Variants in UBQLN3 observed in about 807,000 individuals in gnomAD.
The protein encoded by UBQLN3 is ubiquilin 3.
A neutral mutation model predicts 2.9 loss-of-function variants in UBQLN3; 1 was observed. The ratio of observed to expected loss-of-function variants is 0.35; its 90% CI spans 0.12 to 1.66. The LOEUF is 1.66. UBQLN3 is among the 40% of genes most tolerant of loss of function. The probability of loss-of-function intolerance (pLI) is 0.35; values close to 1 mark genes in which losing one functional copy is unlikely to be tolerated. For missense variants in UBQLN3, 924 were observed against 816.5 expected (o/e 1.13, Z -1.61); for synonymous variants, 358 against 317.6 (o/e 1.13, Z -1.35).
At position 5,508,658 on chromosome 11, in the gene UBQLN3, G is replaced by T. The variant is rs199563093; in HGVS notation, c.901C>A (p.Pro301Thr). The part of the protein sequence containing the change: ...SQPSRMENCD[P>T]LPNPWTSTHG... Reference sequence around the variant, plus strand: ...GTGGAAGTCCAGGGGTTGGGGAGAGGGTCACAATTCTCCATCCTTGAAGGT... The same window carrying T: ...GTGGAAGTCCAGGGGTTGGGGAGAGTGTCACAATTCTCCATCCTTGAAGGT... The change falls in exon 2 of 2, where the codon CCT becomes ACT. Residue 301 changes from proline (P) to threonine (T), a missense_variant. By Grantham distance (38) the Pro-to-Thr change is conservative (BLOSUM62 -1). Transcript: ENST00000311659. The surrounding 1 kb of genome is among the most constrained non-coding windows in gnomAD (Gnocchi z 4.2). 1 of 1,614,024 alleles carries T rather than the reference G, an allele frequency of 6.2e-7. No homozygotes were observed. Among genetic ancestry groups the T allele is most frequent in the Admixed American group, 1.7e-5 (1 of 60,022 alleles).
rs769873541 is a variant in UBQLN3, at chr11:5,508,271, C to T, written c.1288G>A (p.Ala430Thr). Residue 430 changes from alanine to threonine, a missense_variant, in exon 2 of 2, where the codon GCA becomes ACA. Physicochemically the swap from Ala to Thr is moderately conservative, Grantham distance 58. Transcript: ENST00000311659. This position sits in a 1 kb window ranked among gnomAD's most constrained non-coding sequence, Gnocchi z 4.2. Reference sequence around the variant, plus strand: ...CTATGTCCAGTAGAGCTTTTCCCTGCACCATCTTGGTCTCCACCTTGTCCA... The same window carrying T: ...CTATGTCCAGTAGAGCTTTTCCCTGTACCATCTTGGTCTCCACCTTGTCCA... ...STGQGGDQDGAGKSSTGHSTN... is the reference protein window; with the variant it reads ...STGQGGDQDGTGKSSTGHSTN... The T allele has an allele frequency of 1.2e-6, 2 of 1,614,126 alleles. No homozygotes were observed. The highest frequency in any genetic ancestry group is 2.2e-5 in the East Asian group (1 of 44,868).
In UBQLN3 at chr11:5,508,739, C is replaced by T. The variant is rs371221917; in HGVS notation, c.820G>A (p.Gly274Ser). ...GTGGCAGTGGCAAAGGGATTGCCGC[C>T]AAACTGCTCCTGGACTGCGTTAAGC... The part of the protein sequence containing the change: ...PMLNAVQEQF[G>S]GNPFATATTD... The change falls in exon 2 of 2, where the codon GGC becomes AGC. Residue 274 changes from glycine to serine, a missense_variant. Coordinates refer to ENST00000311659, the MANE Select transcript of UBQLN3 (RefSeq NM_017481.4). The surrounding 1 kb of genome is among the most constrained non-coding windows in gnomAD (Gnocchi z 4.2). 20 of 1,613,812 alleles carry T rather than the reference C, an allele frequency of 1.2e-5. No homozygotes were observed. Among genetic ancestry groups the T allele is most frequent in the Non-Finnish European group, 1.4e-5 (17 of 1,180,008 alleles).
At position 5,508,893 on chromosome 11, in the gene UBQLN3, C is replaced by G; in HGVS notation, c.666G>C (p.Glu222Asp). ...NNPEIMRQTL[E>D]FLRNPAMMQE... ...GCATCATGGCAGGGTTACGTAAAAA[C>G]TCCAGTGTCTGCCGCATAATTTCCG... Residue 222 changes from glutamate (E) to aspartate (D), a missense_variant, in exon 2 of 2, where the codon GAG (glutamate) becomes GAC (aspartate). Coordinates refer to ENST00000311659, the MANE Select transcript of UBQLN3 (RefSeq NM_017481.4). The surrounding 1 kb of genome is among the most constrained non-coding windows in gnomAD (Gnocchi z 4.2). 3 of 1,614,210 alleles carry G rather than the reference C, an allele frequency of 1.9e-6. No homozygotes were observed. The highest frequency in any genetic ancestry group is 1.7e-6 in the Non-Finnish European group (2 of 1,180,036).
rs773124058 is a variant in UBQLN3 at position 5,508,287 on chromosome 11, A to G, written c.1272T>C (p.Gly424=). 3.7e-6 allele frequency: 6 copies of G among 1,613,794 alleles called. No individual in the cohort carries two copies. The highest frequency in any genetic ancestry group is 3.3e-4 in the Middle Eastern group (2 of 6,080). Residue 424 remains glycine (G), a synonymous_variant, in exon 2 of 2, where the codon GGT becomes GGC. Coordinates refer to ENST00000311659, the MANE Select transcript of UBQLN3 (RefSeq NM_017481.4). The surrounding 1 kb of genome is among the most constrained non-coding windows in gnomAD (Gnocchi z 4.2). ...TTTTCCCTGCACCATCTTGGTCTCC[A>G]CCTTGTCCAGTACTGTTCTCTGTGG... is the stretch of plus-strand genomic sequence containing the variant. ...RYPTENSTGQ[G]GDQDGAGKSS... is the part of the protein sequence containing the mutation.
Position 5,507,435 on chromosome 11 carries a change from T to C in UBQLN3, c.*156A>G. ...TCCACTATGTTTTGGCCATTAGTCT[T>C]CCTCGTTGACTCTGGAACAACATTG... On this transcript the variant is annotated 3_prime_UTR_variant, in exon 2 of 2. Coordinates refer to ENST00000311659, the MANE Select transcript of UBQLN3 (RefSeq NM_017481.4). The C allele has an allele frequency of 4.9e-6, 7 of 1,416,602 alleles. No homozygotes were observed. Among genetic ancestry groups the C allele is most frequent in the Non-Finnish European group, 6.5e-6 (7 of 1,078,282 alleles). 87.8% of individuals were successfully genotyped at this position (1,416,602 alleles called of 1,614,324 possible). A position where few individuals can be genotyped will look rare whatever the true frequency, so the allele number is the denominator to read the frequency against.
chr11:5,508,282 T>G lies in UBQLN3; in HGVS notation c.1277A>C (p.Asp426Ala). ...PTENSTGQGG[D>A]QDGAGKSSTG... ...AGAGCTTTTCCCTGCACCATCTTGG[T>G]CTCCACCTTGTCCAGTACTGTTCTC... Residue 426 changes from aspartate to alanine, a missense_variant, in exon 2 of 2, where the codon GAC becomes GCC. By Grantham distance (126) the Asp-to-Ala change is moderately radical. Transcript: ENST00000311659. This position sits in a 1 kb window ranked among gnomAD's most constrained non-coding sequence, Gnocchi z 4.2. 6.2e-7 allele frequency: 1 copy of G among 1,613,946 alleles called. No individual in the cohort carries two copies. Among genetic ancestry groups the G allele is most frequent in the Non-Finnish European group, 8.5e-7 (1 of 1,179,958 alleles).
chr11:5,509,084 G>A lies in UBQLN3; in HGVS notation c.475C>T (p.Arg159Trp), dbSNP rs368243989. The A allele has an allele frequency of 5.3e-5, 85 of 1,614,152 alleles. 1 individual carries two copies. The highest frequency in any genetic ancestry group is 3.1e-4 in the African/African-American group (23 of 75,054). ...AACTCAGGCACAGACACATGCTGCC[G>A]CATCAGGGAGCTTGGCTGGTCAGGG... Reference protein sequence around the residue: ...GFPDQPSSLMRQHVSVPEFVT... With the variant: ...GFPDQPSSLMWQHVSVPEFVT... Residue 159 changes from arginine to tryptophan, a missense_variant, in exon 2 of 2, where the codon CGG (arginine) becomes TGG (tryptophan). Physicochemically the swap from Arg to Trp is moderately radical, Grantham distance 101. Coordinates refer to ENST00000311659, the MANE Select transcript of UBQLN3 (RefSeq NM_017481.4).
In UBQLN3 at chr11:5,509,119, T is replaced by A. The variant is rs202005672; in HGVS notation, c.440A>T (p.Tyr147Phe). Residue 147 changes from tyrosine to phenylalanine, a missense_variant, in exon 2 of 2, where the codon TAT becomes TTT. By Grantham distance (22) the Tyr-to-Phe change is conservative. Transcript: ENST00000311659. ...LTGLSRLGLAYRGFPDQPSSL... is the reference protein window; with the variant it reads ...LTGLSRLGLAFRGFPDQPSSL... ...GCTTGGCTGGTCAGGGAAGCCACGA[T>A]AGGCCAAGCCCAGCCTACTGAGGCC... 54 of 1,614,132 alleles carry A rather than the reference T, an allele frequency of 3.3e-5. 1 individual carries two copies. In the East Asian group the frequency reaches 1.1e-3, roughly 33 times the overall value.
At position 5,508,212 on chromosome 11, in the gene UBQLN3, TC is replaced by T. The variant is rs760819086; in HGVS notation, c.1346del (p.Gly449GlufsTer38). The T allele has an allele frequency of 1.2e-5, 19 of 1,614,136 alleles. No individual in the cohort carries two copies. In the East Asian group the frequency reaches 3.8e-4, roughly 32 times the overall value. On this transcript the variant is annotated frameshift_variant, in exon 2 of 2. Transcript: ENST00000311659. LOFTEE classifies it low-confidence loss of function (END_TRUNC). This position sits in a 1 kb window ranked among gnomAD's most constrained non-coding sequence, Gnocchi z 4.2. Reference sequence around the variant, plus strand: ...CAAATGGAACCCTGTTGGCAGAATCTCCCAGCCCCGAGACAAGATCAGGCAA... The same window carrying T: ...CAAATGGAACCCTGTTGGCAGAATCTCCAGCCCCGAGACAAGATCAGGCAA... ...TNLPDLVSGL[G>X]DSANRVPFAP...
Position 5,508,574 on chromosome 11 carries a change from T to C in UBQLN3, c.985A>G (p.Ile329Val). The change falls in exon 2 of 2, where the codon ATT (isoleucine) becomes GTT (valine). Residue 329 changes from isoleucine to valine, a missense_variant. By Grantham distance (29) the Ile-to-Val change is conservative. Transcript: ENST00000311659. The surrounding 1 kb of genome is among the most constrained non-coding windows in gnomAD (Gnocchi z 4.2). ...AGAAAGTTTGGAAACCTATTTCTAATGTCAGGTGCATCCTGATCCCCATCC... is the reference window on the plus strand; with the variant it reads ...AGAAAGTTTGGAAACCTATTTCTAACGTCAGGTGCATCCTGATCCCCATCC... ...RQDGDQDAPDIRNRFPNFLGI... is the reference protein window; with the variant it reads ...RQDGDQDAPDVRNRFPNFLGI... The C allele has an allele frequency of 2.5e-6, 4 of 1,614,134 alleles. No individual in the cohort carries two copies. The highest frequency in any genetic ancestry group is 2.5e-6 in the Non-Finnish European group (3 of 1,180,030).
Position 5,508,251 on chromosome 11 carries a change from T to G in UBQLN3, c.1308A>C (p.Gly436=). The G allele has an allele frequency of 6.2e-7, 1 of 1,614,142 alleles. No individual in the cohort carries two copies. Among genetic ancestry groups the G allele is most frequent in the South Asian group, 1.1e-5 (1 of 91,066 alleles). The change falls in exon 2 of 2, where the codon GGA becomes GGC. Residue 436 remains glycine (G), a synonymous_variant. Coordinates refer to ENST00000311659, the MANE Select transcript of UBQLN3 (RefSeq NM_017481.4). The surrounding 1 kb of genome is among the most constrained non-coding windows in gnomAD (Gnocchi z 4.2). The stretch of plus-strand genomic sequence containing the variant: ...CAAGATCAGGCAAGTTTGTGCTATG[T>G]CCAGTAGAGCTTTTCCCTGCACCAT... The part of the protein sequence containing the change: ...DQDGAGKSST[G]HSTNLPDLVS...
Position 5,507,995 on chromosome 11 carries a change from GCAGGGCA to G in UBQLN3, c.1557_1563del (p.Ala520LysfsTer13), listed in dbSNP as rs1216745379. On this transcript the variant is annotated frameshift_variant, in exon 2 of 2. Transcript: ENST00000311659. LOFTEE classifies it low-confidence loss of function (END_TRUNC). ...CCCTGCTCAATCTGCCGCAGGGCTT[GCAGGGCA>G]CGGGGGTTTGCCATGGCTGCCTGAA... The G allele has an allele frequency of 1.2e-6, 2 of 1,614,072 alleles. No homozygotes were observed. The highest frequency in any genetic ancestry group is 2.2e-5 in the South Asian group (2 of 91,088).
chr11:5,508,192 G>A lies in UBQLN3; in HGVS notation c.1367C>T (p.Pro456Leu), dbSNP rs768613051. The change falls in exon 2 of 2, where the codon CCA becomes CTA. Residue 456 changes from proline (P) to leucine (L), a missense_variant. Pro to Leu is a moderately conservative substitution (Grantham distance 98, BLOSUM62 -3). Transcript: ENST00000311659. This position sits in a 1 kb window ranked among gnomAD's most constrained non-coding sequence, Gnocchi z 4.2. ...SGLGDSANRV[P>L]FAPLSFSPTA... is the part of the protein sequence containing the mutation. ...GGGGGAAAAAGATAAGGGAGCAAAT[G>A]GAACCCTGTTGGCAGAATCTCCCAG... 5 of 1,614,174 alleles carry A rather than the reference G, an allele frequency of 3.1e-6. No individual in the cohort carries two copies. The South Asian group carries it at 3.3e-5, about 11-fold the overall frequency.
At position 5,508,232 on chromosome 11, in the gene UBQLN3, C is replaced by A. The variant is rs369978259; in HGVS notation, c.1327G>T (p.Asp443Tyr). The A allele has an allele frequency of 1.2e-6, 2 of 1,614,148 alleles. No individual in the cohort carries two copies. The highest frequency in any genetic ancestry group is 1.7e-6 in the Non-Finnish European group (2 of 1,180,024). The change falls in exon 2 of 2, where the codon GAT (aspartate) becomes TAT (tyrosine). Residue 443 changes from aspartate to tyrosine, a missense_variant. Coordinates refer to ENST00000311659, the MANE Select transcript of UBQLN3 (RefSeq NM_017481.4). This position sits in a 1 kb window ranked among gnomAD's most constrained non-coding sequence, Gnocchi z 4.2. ...SSTGHSTNLP[D>Y]LVSGLGDSAN... is the part of the protein sequence containing the mutation. ...GAATCTCCCAGCCCCGAGACAAGAT[C>A]AGGCAAGTTTGTGCTATGTCCAGTA...
Position 5,507,569 on chromosome 11 carries a change from A to G in UBQLN3, c.*22T>C. ...GGGAAAAAGGCACAGAGGAAAACGTATGGTTTGAATGAATAAGGCTCCTAC... is the reference window on the plus strand; with the variant it reads ...GGGAAAAAGGCACAGAGGAAAACGTGTGGTTTGAATGAATAAGGCTCCTAC... On this transcript the variant is annotated 3_prime_UTR_variant, in exon 2 of 2. Transcript: ENST00000311659. The G allele has an allele frequency of 6.4e-7, 1 of 1,562,408 alleles. No individual in the cohort carries two copies. The highest frequency in any genetic ancestry group is 8.7e-7 in the Non-Finnish European group (1 of 1,153,252).
Position 5,508,363 on chromosome 11 carries a change from T to C in UBQLN3, c.1196A>G (p.Glu399Gly), listed in dbSNP as rs1252352506. The C allele has an allele frequency of 6.2e-7, 1 of 1,605,538 alleles. No individual in the cohort carries two copies. The highest frequency in any genetic ancestry group is 8.5e-7 in the Non-Finnish European group (1 of 1,175,244). The change falls in exon 2 of 2, where the codon GAG becomes GGG. Residue 399 changes from glutamate (E) to glycine (G), a missense_variant. Coordinates refer to ENST00000311659, the MANE Select transcript of UBQLN3 (RefSeq NM_017481.4). The surrounding 1 kb of genome is among the most constrained non-coding windows in gnomAD (Gnocchi z 4.2). ...EPGSGQPLPE[E>G]SVAIKGRSSC... ...GGACCTTCCCTTGATTGCTACTGAC[T>C]CCTCGGGGAGAGGCTGGCCTGACCC...
In UBQLN3 at chr11:5,507,880, T is replaced by C. The variant is rs536797424; in HGVS notation, c.1679A>G (p.Glu560Gly). Reference sequence around the variant, plus strand: ...AGACATAAGGGGATCTTCTCTAGACTCTATACCTCCTGCCACACTACCCGT... The same window carrying C: ...AGACATAAGGGGATCTTCTCTAGACCCTATACCTCCTGCCACACTACCCGT... ...AGTGSVAGGI[E>G]SREDPLMSED... The change falls in exon 2 of 2, where the codon GAG becomes GGG. Residue 560 changes from glutamate (E) to glycine (G), a missense_variant. By Grantham distance (98) the Glu-to-Gly change is moderately conservative. Coordinates refer to ENST00000311659, the MANE Select transcript of UBQLN3 (RefSeq NM_017481.4). 8.7e-6 allele frequency: 14 copies of C among 1,613,642 alleles called. No homozygotes were observed. The East Asian group carries it at 2.5e-4, about 28-fold the overall frequency.
In UBQLN3 at chr11:5,509,456, A is replaced by G; in HGVS notation, c.103T>C (p.Phe35Leu). Residue 35 changes from phenylalanine to leucine, a missense_variant, in exon 2 of 2, where the codon TTC becomes CTC. Phe to Leu is a conservative substitution (Grantham distance 22). Transcript: ENST00000311659. ...ATAGTGCATGTGTCTGTAACTGAGA[A>G]ATCCTCCTTGTCTTTGGGCGTCTTC... is the stretch of plus-strand genomic sequence containing the variant. Reference protein sequence around the residue: ...TVKTPKDKEDFSVTDTCTIQQ... With the variant: ...TVKTPKDKEDLSVTDTCTIQQ... The G allele has an allele frequency of 6.2e-7, 1 of 1,614,186 alleles. No individual in the cohort carries two copies. The highest frequency in any genetic ancestry group is 8.5e-7 in the Non-Finnish European group (1 of 1,179,984).
chr11:5,508,935 C>T lies in UBQLN3; in HGVS notation c.624G>A (p.Gly208=). ...TAATTTCCGGGTTGTTAAGAATATG[C>T]CCAATCTCAGGGTTGTGCTGGATCA... ...QQLIQHNPEI[G]HILNNPEIMR... Residue 208 remains glycine, a synonymous_variant, in exon 2 of 2, where the codon GGG becomes GGA. Coordinates refer to ENST00000311659, the MANE Select transcript of UBQLN3 (RefSeq NM_017481.4). This position sits in a 1 kb window ranked among gnomAD's most constrained non-coding sequence, Gnocchi z 4.2. 1 of 1,614,162 alleles carries T rather than the reference C, an allele frequency of 6.2e-7. No homozygotes were observed. Among genetic ancestry groups the T allele is most frequent in the Non-Finnish European group, 8.5e-7 (1 of 1,180,040 alleles).
Sources: gnomAD v4.1 joint callset for allele counts on GRCh38, gnomAD v4.1.1 for gene constraint, Gnocchi (gnomAD v3.1) non-coding constraint, MANE v1.5 for transcripts, NCBI Gene and HGNC (gene_info 2026-07-23, HGNC 2026-07-21) for gene names.